SCAF11: variants seen among roughly 807,000 people sequenced by gnomAD.
SCAF11 encodes the protein SR-related CTD associated factor 11.
A neutral mutation model predicts 140.5 loss-of-function variants in SCAF11; 47 were observed. The ratio of observed to expected loss-of-function variants is 0.33; its 90% CI spans 0.26 to 0.43. The LOEUF (loss-of-function observed/expected upper bound fraction) is 0.43. SCAF11 is among the 20% of genes least tolerant of loss of function. The pLI, the probability that SCAF11 is intolerant of heterozygous loss-of-function variation, is 1.00. For synonymous variants in SCAF11, 557 were observed against 579.4 expected, an observed-to-expected ratio of 0.96 and a Z score of 0.55; for missense variants, 1,645 against 1,705.1, an observed-to-expected ratio of 0.96 and a Z score of 0.62.
chr12:45,966,407 A>G (rs1945949181), intron 1 of SCAF11, among the ~76,000 whole-genome samples: 1 of 151,882 alleles, frequency 6.6e-6, no homozygotes, highest in Non-Finnish European at 1.5e-5. Context: ...TTAGTACTGA[A>G]CAAGGCAGAA....
chr12:45,936,481 T>C (rs773411057), intron 6 of SCAF11, among the ~76,000 whole-genome samples: 1 of 152,130 alleles, frequency 6.6e-6, no homozygotes, highest in Non-Finnish European at 1.5e-5. Context: ...ATAATGTCTT[T>C]GTTTTCTCTT....
chr12:45,924,878 C>A lies in SCAF11; in HGVS notation c.3756G>T (p.Gln1252His). 1 of 1,614,010 alleles carries A rather than the reference C, an allele frequency of 6.2e-7. No homozygotes were observed. Among genetic ancestry groups the A allele is most frequent in the Non-Finnish European group, 8.5e-7 (1 of 1,180,004 alleles). The change falls in exon 12 of 15, where the codon CAG (glutamine) becomes CAT (histidine). Residue 1252 changes from glutamine to histidine, a missense_variant. Coordinates refer to ENST00000369367, the MANE Select transcript of SCAF11 (RefSeq NM_004719.3). ...IQRNPFNIHP[Q>H]LPLHLHTGVP... is the part of the protein sequence containing the mutation. Reference sequence around the variant, plus strand: ...CTCCTGTGTGGAGATGCAAGGGTAGCTGAGGATGAATGTTAAATGGATTGC... The same window carrying A: ...CTCCTGTGTGGAGATGCAAGGGTAGATGAGGATGAATGTTAAATGGATTGC...
chr12:45,923,113 T>C lies in SCAF11; in HGVS notation c.3948A>G (p.Thr1316=), dbSNP rs1287250746. ...CTGCTGTCGGAGCAGGCAAAACTGGTGTACTCATGTTATTACTTACATGAG... is the reference window on the plus strand; with the variant it reads ...CTGCTGTCGGAGCAGGCAAAACTGGCGTACTCATGTTATTACTTACATGAG... ...SSSHVSNNMS[T]PVLPAPTAAP... The change falls in exon 13 of 15, where the codon ACA becomes ACG. Residue 1316 remains threonine, a synonymous_variant. Coordinates refer to ENST00000369367, the MANE Select transcript of SCAF11 (RefSeq NM_004719.3). 13 of 1,614,062 alleles carry C rather than the reference T, an allele frequency of 8.1e-6. No homozygotes were observed. The South Asian group carries it at 1.4e-4, about 18-fold the overall frequency.
chr12:45,957,583 G>A (rs527636777), intron 3 of SCAF11, among the ~76,000 whole-genome samples: 3 of 152,180 alleles, frequency 2.0e-5, no homozygotes, highest in East Asian at 3.9e-4. Flanking sequence ...CTCTCATACT[G>A]AAGCTGTTGG....
At chr12:45,952,902 T>C (rs1945585023) in intron 3 of SCAF11, among the ~76,000 whole-genome samples, 3 of 152,228 alleles carry the variant, frequency 2.0e-5, no homozygotes, top group South Asian at 4.1e-4. Context: ...TCTTTGCCTT[T>C]CTGGGTTTTA....
At chr12:45,945,602 T>C (rs1381139824) in intron 5 of SCAF11, among the ~76,000 whole-genome samples, 1 of 146,560 alleles carries the variant, frequency 6.8e-6, no homozygotes, top group Non-Finnish European at 1.5e-5. Context: ...TGTGGTGCAA[T>C]CACGGCTTAC....
At chr12:45,965,939 C>T (rs1428554570) in intron 1 of SCAF11, among the ~76,000 whole-genome samples, 1 of 152,152 alleles carries the variant, frequency 6.6e-6, no homozygotes, top group Non-Finnish European at 1.5e-5. Context: ...AAGGTTGTAG[C>T]AGATCAAATA....
chr12:45,990,264 C>G (rs2136683345), intron 1 of SCAF11, 89 bp downstream of exon 1: 4 of 1,229,862 alleles, frequency 3.3e-6, no homozygotes, highest in South Asian at 4.2e-5. Context: ...GCCCTAGGCC[C>G]GCTCCAGCGC....
intron 1 of SCAF11, among the ~76,000 whole-genome samples, chr12:45,972,975 TATAG>T (rs1477539619): frequency 7.9e-5 from 11 of 139,956 alleles, no homozygotes; most frequent in South Asian, 4.4e-4. Context: ...TATATAGATA[TATAG>T]ATATATAGAT....
upstream of SCAF11, chr12:45,991,951 C>A: frequency 3.9e-6 from 5 of 1,289,208 alleles, no homozygotes; most frequent in Non-Finnish European, 5.1e-6. Context: ...GTTCTGTTCG[C>A]GCGTGCTGCG....
In SCAF11 at chr12:45,954,944, T is replaced by A. The variant is rs189379913; in HGVS notation, c.220-3217A>T. The A allele has an allele frequency of 4.0e-5, 6 of 151,310 alleles. 1 individual carries two copies. The highest frequency in any genetic ancestry group is 1.5e-4 in the African/African-American group (6 of 41,330). 9.4% of individuals were successfully genotyped at this position (151,310 alleles called of 1,614,324 possible). On this transcript the variant is annotated intron_variant, in intron 3 of 14. Coordinates refer to ENST00000369367, the MANE Select transcript of SCAF11 (RefSeq NM_004719.3). ...TTCTGAGTAAGATTCCCCCCCTTTT[T>A]TTTCCTTAAGCATAATTGTCTTAGG...
chr12:45,952,887 T>C (rs147148405), intron 3 of SCAF11, among the ~76,000 whole-genome samples: 1 of 152,324 alleles, frequency 6.6e-6, no homozygotes, highest in African/African-American at 2.4e-5. Context: ...ATGTAAAAAA[T>C]GTGATCTTTG....
chr12:45,961,466 GGTT>G (rs1945826708), intron 3 of SCAF11: 1 of 584,530 alleles, frequency 1.7e-6, no homozygotes, highest in East Asian at 2.8e-5. Flanking sequence ...CTTCCTATAA[GGTT>G]ATTAACTTTT....
intron 1 of SCAF11, among the ~76,000 whole-genome samples, chr12:45,981,039 C>G (rs1224582558): frequency 6.6e-6 from 1 of 152,132 alleles, no homozygotes; most frequent in Non-Finnish European, 1.5e-5. Context: ...GAAATATTGT[C>G]AAAGAGTATA....
At chr12:45,943,298 G>A (rs1945347823) in intron 6 of SCAF11, among the ~76,000 whole-genome samples, 1 of 152,070 alleles carries the variant, frequency 6.6e-6, no homozygotes, top group African/African-American at 2.4e-5. Flanking sequence ...ATATTAAGTG[G>A]AAAATTCCAG....
At chr12:45,984,065 C>A (rs534733597) in intron 1 of SCAF11, among the ~76,000 whole-genome samples, 22 of 152,210 alleles carry the variant, frequency 1.4e-4, no homozygotes, top group Middle Eastern at 6.8e-3. Context: ...GCTATTCTGG[C>A]TGGAGGCATT....
At chr12:45,975,605 G>T (rs1592221825) in intron 1 of SCAF11, 1 of 175,468 alleles carries the variant, frequency 5.7e-6, no homozygotes, top group South Asian at 1.7e-4. Context: ...TCACTGGCTT[G>T]AAGAGCGTTA....
At position 45,926,464 on chromosome 12, in the gene SCAF11, GCCACGGTTGCCTCTGCCTCTA is replaced by G. The variant is rs747682926; in HGVS notation, c.3216_3236del (p.Arg1075_Gly1081del). On this transcript the variant is annotated inframe_deletion, in exon 11 of 15. Transcript: ENST00000369367. ...CAAAACTACTTCTGTAAGTGCCTCT[GCCACGGTTGCCTCTGCCTCTA>G]CCACGGTTAGATACCCAACCAGAAC... is the stretch of plus-strand genomic sequence containing the variant. The G allele has an allele frequency of 1.2e-6, 2 of 1,614,134 alleles. No individual in the cohort carries two copies. Among genetic ancestry groups the G allele is most frequent in the Non-Finnish European group, 8.5e-7 (1 of 1,180,010 alleles).
At chr12:45,980,677 T>C (rs950154871) in intron 1 of SCAF11, among the ~76,000 whole-genome samples, 1 of 152,220 alleles carries the variant, frequency 6.6e-6, no homozygotes, top group Non-Finnish European at 1.5e-5. Flanking sequence ...ACAGTATTTA[T>C]GTAACTAATT....
Sources: gnomAD v4.1 joint callset for allele counts (sites outside exome capture counted in the v4.1 genomes callset) on GRCh38, gnomAD v4.1.1 for gene constraint, MANE v1.5 for transcripts, NCBI Gene and HGNC (gene_info 2026-07-23, HGNC 2026-07-21) for gene names.